Variants in AGBL4 observed in about 807,000 individuals in gnomAD.
AGBL4 encodes the protein cytosolic carboxypeptidase 6.
AGBL4 carries 58 observed loss-of-function variants against 66.4 expected under a neutral mutation model. That is an observed-to-expected ratio of 0.87 (90% CI 0.71 to 1.09). The LOEUF (loss-of-function observed/expected upper bound fraction) is 1.09, where lower values mean the gene tolerates loss of function less well. Ranked by LOEUF, AGBL4 falls within the 50% of genes least tolerant of loss-of-function variation. AGBL4 has a pLI of 0.00. For synonymous variants in AGBL4, 234 were observed against 222.9 expected (o/e 1.05, Z -0.44); for missense variants, 579 against 631.0 (o/e 0.92, Z 0.88).
chr1:48,569,037 C>G (rs1390185513), intron 11 of AGBL4, among the ~76,000 whole-genome samples: 1 of 152,134 alleles, frequency 6.6e-6, no homozygotes, highest in East Asian at 1.9e-4. Flanking sequence ...GTGTCTGGTC[C>G]TTTTGATTTC....
At chr1:49,531,357 C>T (rs1427873295) in intron 3 of AGBL4, among the ~76,000 whole-genome samples, 1 of 152,012 alleles carries the variant, frequency 6.6e-6, no homozygotes, top group African/African-American at 2.4e-5. Flanking sequence ...AGAGTCCCTT[C>T]TATGTTGGGC....
At chr1:49,076,457 A>G (rs1050690192) in intron 4 of AGBL4, among the ~76,000 whole-genome samples, 3 of 152,218 alleles carry the variant, frequency 2.0e-5, no homozygotes, top group African/African-American at 7.2e-5. Context: ...TACATTCACT[A>G]TTGAGTGCAT....
intron 6 of AGBL4, among the ~76,000 whole-genome samples, chr1:48,677,854 C>T (rs1646391433): frequency 6.6e-6 from 1 of 152,134 alleles, no homozygotes; most frequent in Non-Finnish European, 1.5e-5. Flanking sequence ...TTTTTGGGGA[C>T]ACTAGGGTGA....
At chr1:48,935,959 A>G (rs112678808) in intron 5 of AGBL4, among the ~76,000 whole-genome samples, 2,243 of 46,058 alleles carry the variant, frequency 0.049, 54 homozygotes, top group African/African-American at 0.077. Context: ...ACTCTGTCTG[A>G]AAAAAAAAAA....
Position 49,549,758 on chromosome 1 carries a change from G to A in AGBL4, c.282+147555C>T, listed in dbSNP as rs780017301. Among the ~76,000 whole-genome samples the A allele has an allele frequency of 3.5e-4, 54 of 152,148 alleles. 2 individuals carry two copies. The highest frequency in any genetic ancestry group is 2.2e-3 in the Admixed American group (33 of 15,264). ...TGTAGAATAGAATGTGTATTCTGTG[G>A]TTGTTGGATGAAATGTTCTGCATAT... On this transcript the variant is annotated intron_variant, in intron 3 of 13. Transcript: ENST00000371839.
chr1:49,567,489 C>G (rs1242021146), intron 3 of AGBL4, among the ~76,000 whole-genome samples: 1 of 151,994 alleles, frequency 6.6e-6, no homozygotes, highest in African/African-American at 2.4e-5. Context: ...TTAAGGGTAT[C>G]AAAATACTGT....
chr1:49,988,453 A>G (rs1460219001), intron 1 of AGBL4, among the ~76,000 whole-genome samples: 1 of 152,198 alleles, frequency 6.6e-6, no homozygotes, highest in Non-Finnish European at 1.5e-5. Flanking sequence ...GCTGCAATAG[A>G]GAGTGCTAGA....
At chr1:48,542,842 A>G (rs1557773506) in intron 11 of AGBL4, among the ~76,000 whole-genome samples, 2 of 152,130 alleles carry the variant, frequency 1.3e-5, no homozygotes, top group African/African-American at 4.8e-5. Context: ...CTTTAGTTTA[A>G]TTAGATCCCA....
At chr1:49,460,711 T>A (rs978411530) in intron 3 of AGBL4, among the ~76,000 whole-genome samples, 5 of 151,696 alleles carry the variant, frequency 3.3e-5, no homozygotes, top group Non-Finnish European at 7.4e-5. Flanking sequence ...ATTCATGCTT[T>A]AAGGAGGTTC....
intron 2 of AGBL4, among the ~76,000 whole-genome samples, chr1:49,711,900 C>T (rs188863233): frequency 6.6e-6 from 1 of 151,950 alleles, no homozygotes; most frequent in Non-Finnish European, 1.5e-5. Flanking sequence ...TAAAGCCAGA[C>T]AACATGAGCT....
intron 3 of AGBL4, among the ~76,000 whole-genome samples, chr1:49,632,902 C>T (rs771567570): frequency 1.3e-5 from 2 of 151,902 alleles, no homozygotes; most frequent in East Asian, 1.9e-4. Context: ...AGTAAAACCC[C>T]GTCTCTACTA....
At chr1:48,760,544 G>A (rs969429166) in intron 6 of AGBL4, among the ~76,000 whole-genome samples, 1 of 152,162 alleles carries the variant, frequency 6.6e-6, no homozygotes, top group African/African-American at 2.4e-5. Flanking sequence ...ATATGTCTGC[G>A]TCACTATAAT....
intron 6 of AGBL4, among the ~76,000 whole-genome samples, chr1:48,830,753 T>G (rs1646532939): frequency 6.6e-6 from 1 of 152,248 alleles, no homozygotes; most frequent in Non-Finnish European, 1.5e-5. Flanking sequence ...GCAATTTTGC[T>G]TTTGGGAATA....
chr1:49,127,201 T>C (rs1247747527), intron 4 of AGBL4, among the ~76,000 whole-genome samples: 7 of 152,174 alleles, frequency 4.6e-5, no homozygotes, highest in Non-Finnish European at 7.4e-5. Context: ...GGGCATATTT[T>C]GGATTGTGAA....
intron 3 of AGBL4, among the ~76,000 whole-genome samples, chr1:49,323,560 G>A (rs1041699416): frequency 2.0e-5 from 3 of 149,326 alleles, no homozygotes; most frequent in South Asian, 4.2e-4. Context: ...GCCTCCCTAA[G>A]TGCTAGGATT....
chr1:49,304,336 C>T (rs1313985424), intron 3 of AGBL4, among the ~76,000 whole-genome samples: 1 of 152,126 alleles, frequency 6.6e-6, no homozygotes, highest in Non-Finnish European at 1.5e-5. Context: ...ATGACACATG[C>T]ACTTTTTTAA....
chr1:48,591,121 T>A, intron 9 of AGBL4, 136 bp from the exon 10 acceptor site: 1 of 721,708 alleles, frequency 1.4e-6, no homozygotes. Flanking sequence ...CACATCAAGC[T>A]GACCCTGTGT....
chr1:48,695,344 G>T (rs191006495), intron 6 of AGBL4, among the ~76,000 whole-genome samples: 41 of 152,296 alleles, frequency 2.7e-4, no homozygotes, highest in Non-Finnish European at 5.0e-4. Context: ...GGCCGCACAA[G>T]CTGATGTTTT....
intron 6 of AGBL4, among the ~76,000 whole-genome samples, chr1:48,732,870 C>G (rs181470144): frequency 1.3e-5 from 2 of 152,218 alleles, no homozygotes; most frequent in Admixed American, 1.3e-4. Flanking sequence ...GGAGAGGGCC[C>G]ATCAAGGAGA....
Sources: allele counts gnomAD v4.1 joint callset (sites outside exome capture counted in the v4.1 genomes callset), GRCh38; gene constraint gnomAD v4.1.1; transcripts MANE v1.5; gene names NCBI Gene and HGNC (gene_info 2026-07-23, HGNC 2026-07-21).